The following MPG variants were observed in gnomAD, a reference collection of about 807,000 sequenced individuals.
MPG encodes DNA-3-methyladenine glycosylase.
In MPG, 33 loss-of-function variants were observed where a neutral mutation model predicts 31.7. The ratio of observed to expected loss-of-function variants is 1.04; its 90% CI spans 0.79 to 1.39. The LOEUF (loss-of-function observed/expected upper bound fraction) is 1.39. Ranked by LOEUF, MPG falls within the 40% of genes most tolerant of loss-of-function variation. The pLI is 0.00. For missense variants in MPG, 455 were observed against 415.5 expected (o/e 1.10, Z -0.83); for synonymous variants, 202 against 169.2 (o/e 1.19, Z -1.51).
intron 2 of MPG, chr16:79,909 T>C: frequency 1.5e-6 from 1 of 647,494 alleles, no homozygotes. Flanking sequence ...CAGTGCTGCT[T>C]GCCCAGGGTG....
chr16:81,684 A>G (rs371773877), intron 2 of MPG, among the ~76,000 whole-genome samples: 1,253 of 75,578 alleles, frequency 0.017, 216 homozygotes, highest in African/African-American at 0.1. Flanking sequence ...AATGCTCCCC[A>G]CACTGACCCC....
rs751124886 is a variant in MPG at position 85,633 on chromosome 16, C to T, written c.738C>T (p.Pro246=). The T allele has an allele frequency of 4.4e-6, 7 of 1,595,358 alleles. No individual in the cohort carries two copies. In the South Asian group the frequency reaches 7.8e-5, roughly 18 times the overall value. The change falls in exon 4 of 4, where the codon CCC becomes CCT. Residue 246 remains proline, a synonymous_variant. Coordinates refer to ENST00000356432, the MANE Select transcript of MPG (RefSeq NM_001015052.3). ...GGCTGGAGCGTGGTCCCCTGGAGCC[C>T]AGTGAGCCGGCTGTAGTGGCAGCAG... ...AVWLERGPLE[P]SEPAVVAAAR... is the part of the protein sequence containing the mutation.
chr16:81,564 G>A lies in MPG; in HGVS notation c.301-1488G>A, dbSNP rs1426107032. ...ATGCCTAAGGATTTCTGGGCTTCCC[G>A]CCCAGGCACTGACCCCTTCTTCCCA... On this transcript the variant is annotated intron_variant, in intron 2 of 3. Transcript: ENST00000356432. Among the ~76,000 whole-genome samples the A allele has an allele frequency of 2.0e-5, 3 of 151,620 alleles. 1 individual carries two copies. Among genetic ancestry groups the A allele is most frequent in the Admixed American group, 6.6e-5 (1 of 15,248 alleles).
At chr16:80,527 G>A (rs1294760527) in intron 2 of MPG, among the ~76,000 whole-genome samples, 2 of 152,204 alleles carry the variant, frequency 1.3e-5, no homozygotes, top group Non-Finnish European at 2.9e-5. Context: ...ATGGGCATTT[G>A]TGGCCAGGTG....
At chr16:79,764 CCT>C (rs1596484123) in intron 2 of MPG, 64 bp downstream of exon 2, 10 of 1,494,802 alleles carry the variant, frequency 6.7e-6, no homozygotes, top group South Asian at 2.6e-5. Flanking sequence ...TCCCTGAACC[CCT>C]GTCCGCTGCC....
At chr16:79,103 T>TG in intron 1 of MPG, 1 of 1,461,114 alleles carries the variant, frequency 6.8e-7, no homozygotes, top group Non-Finnish European at 9.0e-7. Context: ...GCACCAGCCC[T>TG]GCTGTCCCAG....
At chr16:78,982 C>G (rs1898164995) in intron 1 of MPG, among the ~76,000 whole-genome samples, 1 of 136,970 alleles carries the variant, frequency 7.3e-6, no homozygotes, top group African/African-American at 3.7e-5. Context: ...GACCTTGGCC[C>G]TGCTAAGATC....
intron 2 of MPG, among the ~76,000 whole-genome samples, chr16:82,661 T>C (rs907651628): frequency 3.3e-5 from 5 of 152,218 alleles, no homozygotes; most frequent in Non-Finnish European, 7.3e-5. Flanking sequence ...CCTTCCGTGA[T>C]GCCTGGCCTC....
At chr16:85,292 G>A in intron 3 of MPG, 109 bp from the exon 4 acceptor site, 1 of 1,348,472 alleles carries the variant, frequency 7.4e-7, no homozygotes, top group Non-Finnish European at 1.0e-6. Context: ...CCTGGCCCAG[G>A]CAGGAAGGCA....
At chr16:84,868 C>T (rs1567125805) in intron 3 of MPG, among the ~76,000 whole-genome samples, 1 of 152,322 alleles carries the variant, frequency 6.6e-6, no homozygotes, top group East Asian at 1.9e-4. Flanking sequence ...CTCCTAGCCC[C>T]CACCACTTGA....
At chr16:80,468 C>A (rs1456436643) in intron 2 of MPG, among the ~76,000 whole-genome samples, 1 of 152,178 alleles carries the variant, frequency 6.6e-6, no homozygotes, top group African/African-American at 2.4e-5. Context: ...TCATGGAGAA[C>A]AGAGAACATT....
intron 2 of MPG, among the ~76,000 whole-genome samples, chr16:82,672 G>A (rs973210062): frequency 6.6e-5 from 10 of 152,292 alleles, no homozygotes; most frequent in Middle Eastern, 3.4e-3. Flanking sequence ...GCCTGGCCTC[G>A]TGCTAAATGC....
intron 2 of MPG, among the ~76,000 whole-genome samples, chr16:82,467 T>C (rs1181575457): frequency 2.0e-5 from 3 of 152,196 alleles, no homozygotes; most frequent in African/African-American, 7.2e-5. Flanking sequence ...CTGTTGGCCG[T>C]TACCAGGACC....
Position 85,398 on chromosome 16 carries a change from CAG to C in MPG, c.506-2_506-1del, listed in dbSNP as rs776400933. The C allele has an allele frequency of 1.3e-6, 2 of 1,598,992 alleles. No individual in the cohort carries two copies. The highest frequency in any genetic ancestry group is 1.9e-4 in the Middle Eastern group (1 of 5,172). On this transcript the variant is annotated splice_acceptor_variant, in intron 3 of 3. Coordinates refer to ENST00000356432, the MANE Select transcript of MPG (RefSeq NM_001015052.3). LOFTEE classifies it high-confidence loss of function. ...CTCCACTTCCAAACTGTCCGTCCCA[CAG>C]GGGACGGGGCTTGCGTCTTGCTGCG...
In MPG at chr16:79,620, C is replaced by G; in HGVS notation, c.220C>G (p.Pro74Ala). 1 of 1,594,700 alleles carries G rather than the reference C, an allele frequency of 6.3e-7. No homozygotes were observed. The highest frequency in any genetic ancestry group is 8.5e-7 in the Non-Finnish European group (1 of 1,170,170). The change falls in exon 2 of 4, where the codon CCA becomes GCA. Residue 74 changes from proline to alanine, a missense_variant. Coordinates refer to ENST00000356432, the MANE Select transcript of MPG (RefSeq NM_001015052.3). ...ATACCGCAGCATCTATTTCTCAAGCCCAAAGGGCCACCTTACCCGACTGGG... is the reference window on the plus strand; with the variant it reads ...ATACCGCAGCATCTATTTCTCAAGCGCAAAGGGCCACCTTACCCGACTGGG... The part of the protein sequence containing the change: ...GPYRSIYFSS[P>A]KGHLTRLGLE...
At chr16:78,174 C>G (rs1427706474), upstream of MPG, 2 of 718,988 alleles carry the variant, frequency 2.8e-6, no homozygotes, top group African/African-American at 1.9e-5. Flanking sequence ...GCGCTCACTG[C>G]CCCCCTTCTC....
Position 79,493 on chromosome 16 carries a change from C to A in MPG, c.93C>A (p.Asp31Glu), listed in dbSNP as rs2266605. 1.9e-6 allele frequency: 3 copies of A among 1,612,700 alleles called. No homozygotes were observed. The highest frequency in any genetic ancestry group is 1.7e-6 in the Non-Finnish European group (2 of 1,179,796). Reference protein sequence around the residue: ...ARAGQPHSSSDAAQAPAEQPH... With the variant: ...ARAGQPHSSSEAAQAPAEQPH... ...CAGGGCAGCCACACAGCTCGTCCGA[C>A]GCAGCCCAGGCACCTGCAGAGCAGC... Residue 31 changes from aspartate (D) to glutamate (E), a missense_variant, in exon 2 of 4, where the codon GAC (aspartate) becomes GAA (glutamate). By Grantham distance (45) the Asp-to-Glu change is conservative (BLOSUM62 2). Transcript: ENST00000356432.
At position 78,724 on chromosome 16, in the gene MPG, A is replaced by T. The variant is rs571268110; in HGVS notation, c.24+391A>T. The stretch of plus-strand genomic sequence containing the variant: ...GCTGCCAGGCCGGCGCTCACCCGCC[A>T]CCTTCATCTTCCCTTCTCCTTTGCC... On this transcript the variant is annotated intron_variant, in intron 1 of 3. Transcript: ENST00000356432. Among the ~76,000 whole-genome samples the T allele has an allele frequency of 2.0e-5, 3 of 152,312 alleles. No homozygotes were observed. In the South Asian group the frequency reaches 6.2e-4, roughly 32 times the overall value.
chr16:84,039 G>A (rs1392489379), intron 3 of MPG, among the ~76,000 whole-genome samples: 1 of 152,168 alleles, frequency 6.6e-6, no homozygotes, highest in African/African-American at 2.4e-5. Flanking sequence ...TGTGTTCTGT[G>A]TGAAGGAGCC....
Sources: gnomAD v4.1 joint callset for allele counts (sites outside exome capture counted in the v4.1 genomes callset) on GRCh38, gnomAD v4.1.1 for gene constraint, MANE v1.5 for transcripts, NCBI Gene and HGNC (gene_info 2026-07-23, HGNC 2026-07-21) for gene names.